MERTK: variants seen among roughly 807,000 people sequenced by gnomAD.
MERTK encodes the protein tyrosine-protein kinase Mer.
Under a neutral mutation model 99.3 loss-of-function variants are expected in MERTK, and 69 were observed. That is an observed-to-expected ratio of 0.70 (90% CI 0.57 to 0.85). The LOEUF is 0.85. Ranked by LOEUF, MERTK falls within the 40% of genes least tolerant of loss-of-function variation. MERTK has a pLI of 0.00. For synonymous variants in MERTK, 426 were observed against 467.6 expected (o/e 0.91, Z 1.15); for missense variants, 1,125 against 1,249.4 (o/e 0.90, Z 1.50).
chr2:112,011,912 C>A (rs1234430205), intron 15 of MERTK, among the ~76,000 whole-genome samples: 1 of 152,110 alleles, frequency 6.6e-6, no homozygotes, highest in African/African-American at 2.4e-5. Flanking sequence ...GAGAGGAGAA[C>A]AGGAGACAGA....
chr2:112,014,356 G>A (rs913024436), intron 15 of MERTK, among the ~76,000 whole-genome samples: 8 of 152,034 alleles, frequency 5.3e-5, no homozygotes, highest in Admixed American at 2.0e-4. Flanking sequence ...GTAGAGACAG[G>A]GTTTCTCCAT....
chr2:112,020,987 A>T (rs1311645011), intron 16 of MERTK, among the ~76,000 whole-genome samples: 1 of 151,084 alleles, frequency 6.6e-6, no homozygotes, highest in East Asian at 1.9e-4. Flanking sequence ...TGAGATCAGG[A>T]GTCCGAGACC....
intron 13 of MERTK, among the ~76,000 whole-genome samples, chr2:112,004,449 G>C (rs1676940306): frequency 6.6e-6 from 1 of 152,222 alleles, no homozygotes; most frequent in South Asian, 2.1e-4. Flanking sequence ...TGCCTGGCAA[G>C]TAAGTTCCCC....
At chr2:111,980,576 G>A (rs1434949136) in intron 7 of MERTK, among the ~76,000 whole-genome samples, 4 of 151,824 alleles carry the variant, frequency 2.6e-5, no homozygotes, top group South Asian at 4.2e-4. Flanking sequence ...CCGCCACCAC[G>A]CCCGGCTAAT....
chr2:111,926,862 C>T (rs980002229), intron 1 of MERTK, among the ~76,000 whole-genome samples: 2 of 152,244 alleles, frequency 1.3e-5, no homozygotes, highest in Non-Finnish European at 2.9e-5. Context: ...GGGGAGCCCC[C>T]TCCTCCTACC....
At chr2:111,905,439 T>TC (rs1358876734) in intron 1 of MERTK, among the ~76,000 whole-genome samples, 1 of 135,274 alleles carries the variant, frequency 7.4e-6, no homozygotes, top group Non-Finnish European at 1.6e-5. Context: ...TGTTCTTTTT[T>TC]TTTTTTTTTT....
chr2:111,983,578 A>C (rs910669438), intron 8 of MERTK, among the ~76,000 whole-genome samples: 4 of 152,240 alleles, frequency 2.6e-5, no homozygotes, highest in African/African-American at 9.7e-5. Flanking sequence ...CTGACACTAC[A>C]TAACACAACC....
intron 2 of MERTK, among the ~76,000 whole-genome samples, chr2:111,932,002 T>C (rs1355580702): frequency 6.6e-6 from 1 of 152,200 alleles, no homozygotes; most frequent in African/African-American, 2.4e-5. Context: ...TGGACCCATC[T>C]CTTTAGAGTA....
chr2:111,933,897 G>A (rs1447472631), intron 2 of MERTK, among the ~76,000 whole-genome samples: 1 of 120,340 alleles, frequency 8.3e-6, no homozygotes, highest in Non-Finnish European at 1.6e-5. Context: ...AGGCCCCGAT[G>A]TGTGAAAGTT....
intron 15 of MERTK, among the ~76,000 whole-genome samples, chr2:112,017,045 T>C (rs533689498): frequency 7.9e-5 from 12 of 152,172 alleles, no homozygotes; most frequent in Non-Finnish European, 1.5e-4. Flanking sequence ...ACAAAGCTTC[T>C]ACAGTGTGGA....
chr2:111,988,852 G>T (rs1341220731), intron 8 of MERTK, among the ~76,000 whole-genome samples: 1 of 152,230 alleles, frequency 6.6e-6, no homozygotes, highest in Non-Finnish European at 1.5e-5. Context: ...GGGCAGCTGA[G>T]GCAGGAGAAT....
chr2:111,914,246 G>A (rs1684307317), intron 1 of MERTK, among the ~76,000 whole-genome samples: 4 of 151,432 alleles, frequency 2.6e-5, no homozygotes, highest in Admixed American at 2.6e-4. Context: ...CAGGACTACA[G>A]GTGTGCACCA....
intron 4 of MERTK, among the ~76,000 whole-genome samples, chr2:111,960,480 CAAAA>C (rs61179378): frequency 2.6e-5 from 2 of 75,948 alleles, no homozygotes; most frequent in Non-Finnish European, 5.3e-5. Context: ...GTCTCAGTCT[CAAAA>C]AAAAAAAAAA....
At chr2:111,980,837 G>A (rs911170038) in intron 7 of MERTK, among the ~76,000 whole-genome samples, 8 of 152,162 alleles carry the variant, frequency 5.3e-5, no homozygotes, top group Admixed American at 4.6e-4. Context: ...ATATTGGCTT[G>A]CTGAGTTAAT....
chr2:111,959,453 G>A (rs907256673), intron 4 of MERTK, among the ~76,000 whole-genome samples: 10 of 134,356 alleles, frequency 7.4e-5, no homozygotes, highest in African/African-American at 2.0e-4. Flanking sequence ...AAGATCCTTC[G>A]TTTGTTTGTT....
At chr2:111,953,906 T>A (rs1685100877) in intron 4 of MERTK, among the ~76,000 whole-genome samples, 2 of 152,218 alleles carry the variant, frequency 1.3e-5, no homozygotes, top group Admixed American at 6.5e-5. Flanking sequence ...TCAATTGTGC[T>A]CATTTCTTCC....
At chr2:112,022,537 A>G in intron 18 of MERTK, 143 bp downstream of exon 18, 1 of 1,237,582 alleles carries the variant, frequency 8.1e-7, no homozygotes, top group South Asian at 1.2e-5. Flanking sequence ...GAACCCACAG[A>G]CACCCCAGCC....
At chr2:111,957,540 A>G (rs562485373) in intron 4 of MERTK, among the ~76,000 whole-genome samples, 13 of 152,058 alleles carry the variant, frequency 8.5e-5, no homozygotes, top group Admixed American at 4.6e-4. Flanking sequence ...CTGTTTTTCC[A>G]TAGTACTTAT....
At chr2:111,930,974 A>G (rs1216763748) in intron 2 of MERTK, among the ~76,000 whole-genome samples, 1 of 152,202 alleles carries the variant, frequency 6.6e-6, no homozygotes, top group Non-Finnish European at 1.5e-5. Context: ...TCAGAGCCAC[A>G]CAGGGTGGAA....
Sources: allele counts gnomAD v4.1 joint callset (sites outside exome capture counted in the v4.1 genomes callset), GRCh38; gene constraint gnomAD v4.1.1; transcripts MANE v1.5; gene names NCBI Gene and HGNC (gene_info 2026-07-23, HGNC 2026-07-21).